USP48: variants seen among roughly 807,000 people sequenced by gnomAD.
USP48 encodes ubiquitin specific peptidase 48.
In USP48, 43 loss-of-function variants were observed where a neutral mutation model predicts 150.7. The ratio of observed to expected loss-of-function variants is 0.29; its 90% CI spans 0.22 to 0.37. The LOEUF is 0.37. USP48 is among the 10% of genes least tolerant of loss of function. The probability of loss-of-function intolerance (pLI) is 1.00; values close to 1 mark genes in which losing one functional copy is unlikely to be tolerated. For missense variants in USP48, 813 were observed against 1,249.6 expected (o/e 0.65, Z 5.27); for synonymous variants, 396 against 425.9 (o/e 0.93, Z 0.86).
At chr1:21,772,389 C>G (rs752860952) in intron 1 of USP48, among the ~76,000 whole-genome samples, 2 of 151,970 alleles carry the variant, frequency 1.3e-5, no homozygotes, top group African/African-American at 2.4e-5. Flanking sequence ...TTTGGGAGGC[C>G]GAGGCGGGCA....
At chr1:21,727,331 G>A (rs1169190402) in intron 11 of USP48, among the ~76,000 whole-genome samples, 2 of 152,140 alleles carry the variant, frequency 1.3e-5, no homozygotes, top group Non-Finnish European at 2.9e-5. Flanking sequence ...ATTGGTAAAA[G>A]TATAAATAAC....
chr1:21,742,270 T>G (rs534552286), intron 8 of USP48, among the ~76,000 whole-genome samples: 142 of 152,172 alleles, frequency 9.3e-4, no homozygotes, highest in Non-Finnish European at 1.5e-3. Flanking sequence ...CTGGGCACAG[T>G]GGCTCATTCA....
At chr1:21,782,789 C>A (rs748114060) in intron 1 of USP48, 35 bp downstream of exon 1, 9 of 1,502,470 alleles carry the variant, frequency 6.0e-6, no homozygotes, top group Non-Finnish European at 8.0e-6. Context: ...AGGTCCGGCG[C>A]GAGGAGCCCG....
chr1:21,730,676 C>A (rs2097754540), intron 9 of USP48, among the ~76,000 whole-genome samples: 4 of 151,608 alleles, frequency 2.6e-5, no homozygotes, highest in African/African-American at 7.3e-5. Context: ...GAGTGAAACT[C>A]TGCCTCAAAA....
At chr1:21,751,285 A>C (rs1269656732) in intron 6 of USP48, among the ~76,000 whole-genome samples, 1 of 152,236 alleles carries the variant, frequency 6.6e-6, no homozygotes, top group Admixed American at 6.5e-5. Flanking sequence ...TCACACATAC[A>C]TAACTTTACA....
At chr1:21,696,603 G>A (rs1350713515) in intron 22 of USP48, among the ~76,000 whole-genome samples, 2 of 152,164 alleles carry the variant, frequency 1.3e-5, no homozygotes, top group Non-Finnish European at 1.5e-5. Flanking sequence ...GGACATTAGG[G>A]AGTTTTCGTT....
In USP48 at chr1:21,678,703, C is replaced by T. The variant is rs1280358585; in HGVS notation, c.*714G>A. 2 of 152,244 alleles carry T rather than the reference C, an allele frequency of 1.3e-5. No homozygotes were observed. Among genetic ancestry groups the T allele is most frequent in the Non-Finnish European group, 1.5e-5 (1 of 68,076 alleles). The allele number at this position is 152,244 out of a possible 1,614,324, so 9.4% of individuals were successfully genotyped here. ...TTCACACATAATAAATGTTCTCCAT[C>T]CTTTCTGAAATGCACCAAAGCAAAA... On this transcript the variant is annotated 3_prime_UTR_variant, in exon 27 of 27. Coordinates refer to ENST00000308271, the MANE Select transcript of USP48 (RefSeq NM_032236.8).
At chr1:21,713,639 C>T (rs1329861625) in intron 15 of USP48, among the ~76,000 whole-genome samples, 2 of 152,210 alleles carry the variant, frequency 1.3e-5, no homozygotes, top group East Asian at 3.9e-4. Flanking sequence ...GATGCTTCAA[C>T]TCTCAATATG....
chr1:21,694,595 A>AAAAC (rs1557429087), intron 23 of USP48, among the ~76,000 whole-genome samples: 2 of 123,560 alleles, frequency 1.6e-5, no homozygotes, highest in Admixed American at 7.8e-5. Context: ...AAAAAAAAAA[A>AAAAC]AAAAAAAAAA....
chr1:21,751,743 T>C (rs1158514229), intron 5 of USP48, 128 bp from the exon 6 acceptor site: 6 of 714,472 alleles, frequency 8.4e-6, no homozygotes, highest in African/African-American at 1.8e-5. Context: ...ACAGAAATTA[T>C]GTATACTAAA....
At chr1:21,712,841 T>C (rs955107553) in intron 15 of USP48, among the ~76,000 whole-genome samples, 25 of 152,046 alleles carry the variant, frequency 1.6e-4, no homozygotes, top group Admixed American at 1.4e-3. Context: ...TTGGCCAGGC[T>C]GGTCTCAAAC....
chr1:21,752,712 T>C (rs531497001), intron 4 of USP48, 61 bp from the exon 5 acceptor site: 7 of 1,509,598 alleles, frequency 4.6e-6, no homozygotes, highest in African/African-American at 4.2e-5. Context: ...CTACTACAAA[T>C]AGTAATACAT....
Position 21,694,608 on chromosome 1 carries a change from C to CAAA in USP48, c.2883+457_2883+458insTTT, listed in dbSNP as rs1491189889. On this transcript the variant is annotated intron_variant, in intron 23 of 26. Coordinates refer to ENST00000308271, the MANE Select transcript of USP48 (RefSeq NM_032236.8). The stretch of plus-strand genomic sequence containing the variant: ...AAAAAAAAAAAAAAAAAAAAAAAAA[C>CAAA]CCCCTCTATCTATCAAATAGATTTA... Among the ~76,000 whole-genome samples, 22 of 28,998 alleles carry CAAA rather than the reference C, an allele frequency of 7.6e-4. 1 individual carries two copies. In the East Asian group the frequency reaches 0.013, roughly 17 times the overall value. The allele number at this position is 28,998 out of a possible 152,430, so 19.0% of individuals were successfully genotyped here.
chr1:21,710,693 A>T (rs1405731823), intron 15 of USP48, among the ~76,000 whole-genome samples: 1 of 152,194 alleles, frequency 6.6e-6, no homozygotes, highest in Non-Finnish European at 1.5e-5. Context: ...GGGTTTTGTT[A>T]TAAAAATATG....
intron 1 of USP48, among the ~76,000 whole-genome samples, chr1:21,769,308 G>A (rs1487689625): frequency 6.6e-6 from 1 of 151,920 alleles, no homozygotes; most frequent in Non-Finnish European, 1.5e-5. Flanking sequence ...TCTTATGGGA[G>A]CTACATGATG....
chr1:21,695,620 G>A (rs370764910), intron 22 of USP48, among the ~76,000 whole-genome samples: 3 of 152,100 alleles, frequency 2.0e-5, no homozygotes, highest in Non-Finnish European at 4.4e-5. Context: ...GAGGCAGGAG[G>A]ATCATTTGAG....
chr1:21,765,508 T>G (rs2097859459), intron 1 of USP48, among the ~76,000 whole-genome samples: 1 of 151,530 alleles, frequency 6.6e-6, no homozygotes, highest in Non-Finnish European at 1.5e-5. Flanking sequence ...TCCCACCTAC[T>G]CCAGAGACTG....
intron 25 of USP48, among the ~76,000 whole-genome samples, chr1:21,681,613 A>G (rs533090773): frequency 6.6e-6 from 1 of 152,258 alleles, no homozygotes; most frequent in East Asian, 1.9e-4. Flanking sequence ...GAAGGATACA[A>G]ACAGCTGTTT....
chr1:21,694,586 AAAAAAAAAAAAAAAAAAAAAAC>A (rs1156295546), intron 23 of USP48, among the ~76,000 whole-genome samples: 2 of 130,142 alleles, frequency 1.5e-5, no homozygotes, highest in East Asian at 2.2e-4. Context: ...AAAAAAAAAA[AAAAAAAAAAAAAAAAAAAAAAC>A]CCCCTCTATC....
Sources: allele counts gnomAD v4.1 joint callset (sites outside exome capture counted in the v4.1 genomes callset), GRCh38; gene constraint gnomAD v4.1.1; transcripts MANE v1.5; gene names NCBI Gene and HGNC (gene_info 2026-07-23, HGNC 2026-07-21).